TCAF1: variants seen among roughly 807,000 people sequenced by gnomAD.
TCAF1 encodes the protein TRPM8 channel-associated factor 1.
TCAF1 carries 4 observed loss-of-function variants against 27.3 expected under a neutral mutation model. That is an observed-to-expected ratio of 0.15 (90% CI 0.07 to 0.34). TCAF1 has a LOEUF of 0.34. Ranked by LOEUF, TCAF1 falls within the 10% of genes least tolerant of loss-of-function variation. TCAF1 has a pLI of 1.00. For missense variants in TCAF1, 257 were observed against 425.8 expected, an observed-to-expected ratio of 0.60 and a Z score of 3.49; for synonymous variants, 105 against 167.1, an observed-to-expected ratio of 0.63 and a Z score of 2.87.
At chr7:143,874,712 A>G (rs978185566) in intron 2 of TCAF1, among the ~76,000 whole-genome samples, 7 of 152,204 alleles carry the variant, frequency 4.6e-5, no homozygotes, top group Admixed American at 3.9e-4. Context: ...CTGTGCCATT[A>G]CTGGTTATAG....
At chr7:143,901,794 A>T (rs1252378692) in intron 1 of TCAF1, among the ~76,000 whole-genome samples, 167 bp downstream of exon 1, 2 of 152,176 alleles carry the variant, frequency 1.3e-5, no homozygotes, top group African/African-American at 4.8e-5. Flanking sequence ...TGAAATAGGC[A>T]CCGAGCTGCA....
At chr7:143,887,095 T>G (rs1056996773) in intron 1 of TCAF1, among the ~76,000 whole-genome samples, 6 of 152,104 alleles carry the variant, frequency 3.9e-5, no homozygotes, top group Admixed American at 3.9e-4. Context: ...GGATCCTTTC[T>G]TATTTCTACT....
Position 143,876,601 on chromosome 7 carries a change from G to A in TCAF1, c.8C>T (p.Thr3Ile). The change falls in exon 2 of 9, where the codon ACT becomes ATT. Residue 3 changes from threonine to isoleucine, a missense_variant. Coordinates refer to ENST00000479870, the MANE Select transcript of TCAF1 (RefSeq NM_014719.3). Reference sequence around the variant, plus strand: ...AAGGGCCTCGAAGGCAGCAGAGGGAGTCGCCATGGCTCTATTGGTTTCTGC... The same window carrying A: ...AAGGGCCTCGAAGGCAGCAGAGGGAATCGCCATGGCTCTATTGGTTTCTGC... Reference protein sequence around the residue: MATPSAAFEALMN... With the variant: MAIPSAAFEALMN... 1 of 1,509,088 alleles carries A rather than the reference G, an allele frequency of 6.6e-7. No individual in the cohort carries two copies. The highest frequency in any genetic ancestry group is 8.8e-7 in the Non-Finnish European group (1 of 1,131,712). The allele number at this position is 1,509,088 out of a possible 1,614,324, so 93.5% of individuals were successfully genotyped here. A position where few individuals can be genotyped will look rare whatever the true frequency, so the allele number is the denominator to read the frequency against.
At position 143,879,170 on chromosome 7, in the gene TCAF1, ATCTT is replaced by A. The variant is rs550661790; in HGVS notation, c.-14-2552_-14-2549del. ...CTTTCCATTCTGTTCCCTCTCCCAAATCTTTCTATCTACGGAAATCCTGTCCTTC... is the reference window on the plus strand; with the variant it reads ...CTTTCCATTCTGTTCCCTCTCCCAAATCTATCTACGGAAATCCTGTCCTTC... On this transcript the variant is annotated intron_variant, in intron 1 of 8. Coordinates refer to ENST00000479870, the MANE Select transcript of TCAF1 (RefSeq NM_014719.3). Among the ~76,000 whole-genome samples, 15 of 152,238 alleles carry A rather than the reference ATCTT, an allele frequency of 9.9e-5. No individual in the cohort carries two copies. In the South Asian group the frequency reaches 2.9e-3, roughly 29 times the overall value.
chr7:143,878,047 C>T lies in TCAF1; in HGVS notation c.-14-1425G>A, dbSNP rs142939571. ...TCTGTTGCTTAACAATTGTGAGACG[C>T]GGACAACACATCTCAGATTTAGTTT... On this transcript the variant is annotated intron_variant, in intron 1 of 8. Coordinates refer to ENST00000479870, the MANE Select transcript of TCAF1 (RefSeq NM_014719.3). 2.0e-3 allele frequency among the ~76,000 whole-genome samples: 304 copies of T among 152,172 alleles called. 4 individuals carry two copies. Among genetic ancestry groups the T allele is most frequent in the African/African-American group, 6.6e-3 (273 of 41,488 alleles).
At chr7:143,897,131 A>AATATATATATATATATATATATATAT (rs5888117) in intron 1 of TCAF1, among the ~76,000 whole-genome samples, 1 of 80,382 alleles carries the variant, frequency 1.2e-5, no homozygotes, top group African/African-American at 4.0e-5. Flanking sequence ...GTTAATCTTG[A>AATATATATATATATATATATATATAT]ATATATATAT....
rs1334373745 is a variant in TCAF1 at position 143,895,214 on chromosome 7, G to A, written c.-15+6747C>T. On this transcript the variant is annotated intron_variant, in intron 1 of 8. Transcript: ENST00000479870. Reference sequence around the variant, plus strand: ...ATGTTCATGAGAAGTAAGTTTTTATGTCTACCAAAGATATGTTCAAATGAG... The same window carrying A: ...ATGTTCATGAGAAGTAAGTTTTTATATCTACCAAAGATATGTTCAAATGAG... Among the ~76,000 whole-genome samples, 3 of 151,714 alleles carry A rather than the reference G, an allele frequency of 2.0e-5. No homozygotes were observed. The East Asian group carries it at 5.8e-4, about 29-fold the overall frequency.
At chr7:143,859,971 A>G (rs373265564) in intron 6 of TCAF1, among the ~76,000 whole-genome samples, 1,256 of 9,600 alleles carry the variant, frequency 0.13, 128 homozygotes, top group South Asian at 0.47. Context: ...TATATATTAT[A>G]TAATATATAT....
At chr7:143,892,863 A>G (rs1291731985) in intron 1 of TCAF1, among the ~76,000 whole-genome samples, 2 of 152,166 alleles carry the variant, frequency 1.3e-5, no homozygotes, top group African/African-American at 2.4e-5. Flanking sequence ...GTAGCTGTCT[A>G]TAAGCTAGGA....
Position 143,852,523 on chromosome 7 carries a change from G to T in TCAF1, c.*1610C>A. The T allele has an allele frequency of 6.5e-6, 1 of 153,242 alleles. No individual in the cohort carries two copies. Among genetic ancestry groups the T allele is most frequent in the East Asian group, 1.9e-4 (1 of 5,206 alleles). The allele number at this position is 153,242 out of a possible 1,614,324, so 9.5% of individuals were successfully genotyped here. A position where few individuals can be genotyped will look rare whatever the true frequency, so the allele number is the denominator to read the frequency against. ...TGCAAAGGAGACTTTCTGAAAATTT[G>T]CCTGACAGAAAATGTCTTCACTTTG... On this transcript the variant is annotated 3_prime_UTR_variant, in exon 9 of 9. Transcript: ENST00000479870.
intron 1 of TCAF1, among the ~76,000 whole-genome samples, chr7:143,901,555 C>A (rs12703535): frequency 0.32 from 49,339 of 151,944 alleles, 8,340 homozygotes; most frequent in African/African-American, 0.39. Flanking sequence ...ACCCACACTG[C>A]GCCCGTGGGC....
Position 143,858,824 on chromosome 7 carries a change from CTGTAAATA to C in TCAF1, c.2497_2504del (p.Tyr833AlafsTer29). ...ATCACCCGCCATTCTTGCCCAGTAC[CTGTAAATA>C]CGTTTCCAGTGCGGTCCATGCATTC... is the stretch of plus-strand genomic sequence containing the variant. On this transcript the variant is annotated frameshift_variant and splice_region_variant, in exon 7 of 9. Coordinates refer to ENST00000479870, the MANE Select transcript of TCAF1 (RefSeq NM_014719.3). LOFTEE classifies it high-confidence loss of function. The C allele has an allele frequency of 4.8e-6, 3 of 622,514 alleles. No individual in the cohort carries two copies. In the Admixed American group the frequency reaches 8.4e-5, roughly 17 times the overall value. 38.6% of individuals were successfully genotyped at this position (622,514 alleles called of 1,614,324 possible). A position where few individuals can be genotyped will look rare whatever the true frequency, so the allele number is the denominator to read the frequency against.
chr7:143,876,371 C>G lies in TCAF1; in HGVS notation c.238G>C (p.Ala80Pro). The G allele has an allele frequency of 6.2e-7, 1 of 1,614,120 alleles. No homozygotes were observed. Among genetic ancestry groups the G allele is most frequent in the Non-Finnish European group, 8.5e-7 (1 of 1,180,008 alleles). ...EAQLTPFLLN[A>P]VGWLCSSPGA... ...GGGGAAGAGCAAAGCCACCCCACTG[C>G]GTTCAGGAGAAAGGGCGTGAGCTGG... Residue 80 changes from alanine (A) to proline (P), a missense_variant, in exon 2 of 9, where the codon GCA becomes CCA. Around this residue, in one of 2 missense-constraint regions of TCAF1, gnomAD observed 255 missense variants for 260.1 expected, o/e 0.98. Coordinates refer to ENST00000479870, the MANE Select transcript of TCAF1 (RefSeq NM_014719.3).
chr7:143,893,759 CAATTACTTAATAAAGG>C lies in TCAF1; in HGVS notation c.-15+8186_-15+8201del, dbSNP rs965896118. Among the ~76,000 whole-genome samples, 11 of 151,480 alleles carry C rather than the reference CAATTACTTAATAAAGG, an allele frequency of 7.3e-5. No individual in the cohort carries two copies. In the South Asian group the frequency reaches 8.3e-4, roughly 11 times the overall value. On this transcript the variant is annotated intron_variant, in intron 1 of 8. Transcript: ENST00000479870. ...CAAAATTTGCAGGAGGCAGCAAAAG[CAATTACTTAATAAAGG>C]AATTACTTAATAAAGGAAAACTCTA...
intron 1 of TCAF1, among the ~76,000 whole-genome samples, chr7:143,897,528 T>C (rs1450829798): frequency 1.3e-5 from 2 of 152,096 alleles, no homozygotes; most frequent in East Asian, 3.9e-4. Flanking sequence ...GACTCAAATG[T>C]TATATACAAA....
intron 6 of TCAF1, among the ~76,000 whole-genome samples, chr7:143,859,995 T>TTCCGTAA (rs1811887084): frequency 8.6e-5 from 1 of 11,694 alleles, no homozygotes; most frequent in Non-Finnish European, 3.1e-4. Context: ...ATAATATATA[T>TTCCGTAA]TATATAATAT....
In TCAF1 at chr7:143,852,626, A is replaced by G. The variant is rs1458455216; in HGVS notation, c.*1507T>C. On this transcript the variant is annotated 3_prime_UTR_variant, in exon 9 of 9. Transcript: ENST00000479870. The stretch of plus-strand genomic sequence containing the variant: ...CCTTAAGCTCTGAAGATGTTGATCC[A>G]TTGACTTCTGGCATTCAGTGTTGCT... 1 of 152,526 alleles carries G rather than the reference A, an allele frequency of 6.6e-6. No homozygotes were observed. Among genetic ancestry groups the G allele is most frequent in the Non-Finnish European group, 1.5e-5 (1 of 68,232 alleles). 9.4% of individuals were successfully genotyped at this position (152,526 alleles called of 1,614,324 possible).
At chr7:143,895,239 G>A (rs1356908054) in intron 1 of TCAF1, among the ~76,000 whole-genome samples, 1 of 151,722 alleles carries the variant, frequency 6.6e-6, no homozygotes, top group Admixed American at 6.6e-5. Context: ...GTTCAAATGA[G>A]ATTTATTTGT....
intron 1 of TCAF1, among the ~76,000 whole-genome samples, chr7:143,897,171 T>TATATATAC (rs1813919012): frequency 7.9e-6 from 1 of 126,738 alleles, no homozygotes. Flanking sequence ...TATATATATA[T>TATATATAC]ATATATTCAT....
Sources: allele counts gnomAD v4.1 joint callset (sites outside exome capture counted in the v4.1 genomes callset), GRCh38; gene constraint gnomAD v4.1.1; regional missense constraint gnomAD v4.1.1; transcripts MANE v1.5; gene names NCBI Gene and HGNC (gene_info 2026-07-23, HGNC 2026-07-21).